The following GRID2 variants were observed in gnomAD, a reference collection of about 807,000 sequenced individuals.
GRID2 encodes the protein glutamate receptor ionotropic, delta-2.
Under a neutral mutation model 114.8 loss-of-function variants are expected in GRID2, and 33 were observed. That is an observed-to-expected ratio of 0.29 (90% CI 0.22 to 0.38). The LOEUF is 0.38. Ranked by LOEUF, GRID2 falls within the 10% of genes least tolerant of loss-of-function variation. The pLI is 1.00. For missense variants in GRID2, 1,184 were observed against 1,257.7 expected (o/e 0.94, Z 0.89); for synonymous variants, 505 against 449.9 (o/e 1.12, Z -1.55).
At chr4:92,756,567 T>C (rs897126325) in intron 2 of GRID2, among the ~76,000 whole-genome samples, 1 of 152,166 alleles carries the variant, frequency 6.6e-6, no homozygotes, top group Non-Finnish European at 1.5e-5. Flanking sequence ...CCACCAACAA[T>C]GTATAACAAT....
At chr4:93,177,494 C>T (rs1739457646) in intron 4 of GRID2, among the ~76,000 whole-genome samples, 1 of 152,034 alleles carries the variant, frequency 6.6e-6, no homozygotes. Flanking sequence ...GCAAAGAAAT[C>T]AAGATTTAAA....
At chr4:92,731,909 G>A (rs1344819744) in intron 2 of GRID2, among the ~76,000 whole-genome samples, 1 of 151,826 alleles carries the variant, frequency 6.6e-6, no homozygotes, top group African/African-American at 2.4e-5. Flanking sequence ...AAATCATAGG[G>A]CATGGGTAGT....
At chr4:93,723,591 T>G (rs1384090758) in intron 14 of GRID2, among the ~76,000 whole-genome samples, 1 of 152,254 alleles carries the variant, frequency 6.6e-6, no homozygotes, top group Non-Finnish European at 1.5e-5. Flanking sequence ...TTTTATGAAC[T>G]TTTAATTCTA....
intron 14 of GRID2, among the ~76,000 whole-genome samples, chr4:93,723,709 G>T (rs1433360582): frequency 6.6e-6 from 1 of 152,140 alleles, no homozygotes; most frequent in Non-Finnish European, 1.5e-5. Context: ...TTGACTAATG[G>T]ATCGATGTAA....
chr4:93,251,438 G>A (rs1264905754), intron 8 of GRID2, among the ~76,000 whole-genome samples: 1 of 152,096 alleles, frequency 6.6e-6, no homozygotes. Context: ...ATTTTAAGCA[G>A]AGCTTATTTT....
chr4:93,340,403 G>T (rs769056422), intron 8 of GRID2, among the ~76,000 whole-genome samples: 2 of 151,354 alleles, frequency 1.3e-5, no homozygotes, highest in Non-Finnish European at 2.9e-5. Flanking sequence ...ATTTCTTTGG[G>T]TTCCTGCTGT....
At chr4:92,910,365 T>C (rs951588152) in intron 2 of GRID2, among the ~76,000 whole-genome samples, 1 of 152,162 alleles carries the variant, frequency 6.6e-6, no homozygotes, top group Non-Finnish European at 1.5e-5. Flanking sequence ...ATATTTGTAA[T>C]GATCTTCATA....
intron 2 of GRID2, among the ~76,000 whole-genome samples, chr4:92,740,810 G>A (rs944540929): frequency 2.6e-5 from 4 of 152,014 alleles, no homozygotes; most frequent in East Asian, 1.9e-4. Flanking sequence ...GCAGTGGAGC[G>A]ATCCCGGCTC....
chr4:92,935,709 A>G (rs1197152663), intron 2 of GRID2, among the ~76,000 whole-genome samples: 1 of 147,076 alleles, frequency 6.8e-6, no homozygotes, highest in Non-Finnish European at 1.5e-5. Context: ...GCAGCCATAA[A>G]AAATGATGAG....
intron 2 of GRID2, among the ~76,000 whole-genome samples, chr4:93,024,978 T>G (rs1286772914): frequency 2.6e-5 from 4 of 151,792 alleles, no homozygotes; most frequent in Non-Finnish European, 5.9e-5. Context: ...CTGGCTTTAA[T>G]TAATCCATAT....
At chr4:93,482,352 A>C (rs1309552531) in intron 11 of GRID2, among the ~76,000 whole-genome samples, 1 of 152,120 alleles carries the variant, frequency 6.6e-6, no homozygotes, top group African/African-American at 2.4e-5. Context: ...AATACTATGC[A>C]GCCTTAGAAA....
Position 93,119,567 on chromosome 4 carries a change from A to G in GRID2, c.735+8614A>G, listed in dbSNP as rs546845094. ...TTTTTCTTCAAATTTTCAGAAAGGA[A>G]CCCTACTGTTCCATGACATCCTTTT... On this transcript the variant is annotated intron_variant, in intron 4 of 15. Transcript: ENST00000282020. Among the ~76,000 whole-genome samples the G allele has an allele frequency of 2.4e-4, 36 of 152,222 alleles. No individual in the cohort carries two copies. In the South Asian group the frequency reaches 2.9e-3, roughly 12 times the overall value.
At chr4:93,105,665 C>T (rs569737687) in intron 3 of GRID2, among the ~76,000 whole-genome samples, 2 of 152,256 alleles carry the variant, frequency 1.3e-5, no homozygotes, top group East Asian at 1.9e-4. Context: ...AAACAACCCA[C>T]CTTTCTTCAC....
intron 2 of GRID2, among the ~76,000 whole-genome samples, chr4:92,683,656 TTTAAA>T (rs1177390345): frequency 6.6e-6 from 1 of 151,698 alleles, no homozygotes; most frequent in Non-Finnish European, 1.5e-5. Context: ...TTTTTGTATA[TTTAAA>T]TTATTTTATA....
At chr4:93,486,783 A>G (rs1453588819) in intron 11 of GRID2, among the ~76,000 whole-genome samples, 1 of 151,796 alleles carries the variant, frequency 6.6e-6, no homozygotes, top group Non-Finnish European at 1.5e-5. Context: ...AGATTGGCCT[A>G]TAATTGCCTT....
intron 8 of GRID2, among the ~76,000 whole-genome samples, chr4:93,254,008 A>T (rs1254336442): frequency 6.6e-6 from 1 of 152,074 alleles, no homozygotes; most frequent in African/African-American, 2.4e-5. Context: ...CTTTCTAGTA[A>T]ATTCTCTATA....
chr4:92,311,451 G>T (rs1413817392), intron 1 of GRID2, among the ~76,000 whole-genome samples: 1 of 152,006 alleles, frequency 6.6e-6, no homozygotes, highest in East Asian at 1.9e-4. Flanking sequence ...AGCACCAAAG[G>T]CCTACTTATG....
chr4:92,521,406 C>A (rs968048100), intron 1 of GRID2, among the ~76,000 whole-genome samples: 10 of 151,736 alleles, frequency 6.6e-5, no homozygotes, highest in Non-Finnish European at 1.2e-4. Flanking sequence ...TTAATAGTAT[C>A]GACAATTTAT....
intron 8 of GRID2, 124 bp downstream of exon 8, chr4:93,238,614 G>C: frequency 1.5e-6 from 1 of 655,956 alleles, no homozygotes; most frequent in Non-Finnish European, 2.5e-6. Flanking sequence ...AGAAAGCAGG[G>C]GGTGAGGGGA....
Sources: gnomAD v4.1 joint callset for allele counts (sites outside exome capture counted in the v4.1 genomes callset) on GRCh38, gnomAD v4.1.1 for gene constraint, MANE v1.5 for transcripts, NCBI Gene and HGNC (gene_info 2026-07-23, HGNC 2026-07-21) for gene names.